The following RORB variants were observed in gnomAD, a reference collection of about 807,000 sequenced individuals.
RORB encodes the protein RAR related orphan receptor B.
A neutral mutation model predicts 59.1 loss-of-function variants in RORB; 6 were observed. The ratio of observed to expected loss-of-function variants is 0.10; its 90% CI spans 0.06 to 0.20. RORB has a LOEUF of 0.20. Among genes scored for constraint, RORB ranks in the 10% least tolerant of loss-of-function variants. The pLI is 1.00. For synonymous variants in RORB, 215 were observed against 204.5 expected (o/e 1.05, Z -0.44); for missense variants, 320 against 560.5 (o/e 0.57, Z 4.33).
chr9:74,624,267 C>T (rs1287324524), intron 1 of RORB, among the ~76,000 whole-genome samples: 1 of 152,116 alleles, frequency 6.6e-6, no homozygotes, highest in Non-Finnish European at 1.5e-5. Context: ...ACACAGCCCA[C>T]CACCCAGAGT....
intron 1 of RORB, among the ~76,000 whole-genome samples, chr9:74,551,839 AC>A (rs1221398937): frequency 6.6e-6 from 1 of 152,190 alleles, no homozygotes; most frequent in Non-Finnish European, 1.5e-5. Flanking sequence ...ATTATGGAGT[AC>A]TTTTTCACCC....
Position 74,667,911 on chromosome 9 carries a change from T to G in RORB, c.1111+10T>G, listed in dbSNP as rs777475380. The G allele has an allele frequency of 6.6e-7, 1 of 1,512,680 alleles. No individual in the cohort carries two copies. 93.7% of individuals were successfully genotyped at this position (1,512,680 alleles called of 1,614,324 possible). On this transcript the variant is annotated intron_variant, in intron 8 of 9. Coordinates refer to ENST00000376896, the MANE Select transcript of RORB (RefSeq NM_006914.4). ...GTTCTGATATCTCCAGGTAGGGCAG[T>G]CTCAGTTCTCTTACCTTTTTAAAAA...
At position 74,667,879 on chromosome 9, in the gene RORB, A is replaced by T; in HGVS notation, c.1089A>T (p.Ser363=). 6.2e-7 allele frequency: 1 copy of T among 1,611,128 alleles called. No individual in the cohort carries two copies. Among genetic ancestry groups the T allele is most frequent in the Non-Finnish European group, 8.5e-7 (1 of 1,177,310 alleles). The change falls in exon 8 of 10, where the codon TCA becomes TCT. Residue 363 remains serine, a synonymous_variant. Coordinates refer to ENST00000376896, the MANE Select transcript of RORB (RefSeq NM_006914.4). ...CCGAGGAGGAGATCGCTTTGTTCTC[A>T]TCTGCTGTTCTGATATCTCCAGGTA... The part of the protein sequence containing the change: ...QLTEEEIALF[S]SAVLISPDRA...
At chr9:74,518,987 C>T (rs1184927887) in intron 1 of RORB, among the ~76,000 whole-genome samples, 1 of 151,796 alleles carries the variant, frequency 6.6e-6, no homozygotes, top group Non-Finnish European at 1.5e-5. Flanking sequence ...AGGTAAGGGT[C>T]GTGTATATCA....
chr9:74,511,720 A>G (rs572905483), intron 1 of RORB, among the ~76,000 whole-genome samples: 30 of 149,880 alleles, frequency 2.0e-4, no homozygotes, highest in African/African-American at 7.1e-4. Context: ...CATTTGCCTG[A>G]GGTCATCTAG....
chr9:74,520,099 G>A (rs1180513542), intron 1 of RORB, among the ~76,000 whole-genome samples: 1 of 151,658 alleles, frequency 6.6e-6, no homozygotes, highest in Non-Finnish European at 1.5e-5. Context: ...GGATTTCGCA[G>A]ACGATGAAGA....
Position 74,642,537 on chromosome 9 carries a change from G to T in RORB, c.359G>T (p.Arg120Met). ...AGTGGGGAGGCAGAAGCCCTTGCCA[G>T]GGTGTACAGCAGCAGCATTAGCAAC... ...QQSGEAEALA[R>M]VYSSSISNGL... The change falls in exon 4 of 10, where the codon AGG (arginine) becomes ATG (methionine). Residue 120 changes from arginine to methionine, a missense_variant. Physicochemically the swap from Arg to Met is moderately conservative, Grantham distance 91. Transcript: ENST00000376896. The T allele has an allele frequency of 6.2e-7, 1 of 1,614,236 alleles. No individual in the cohort carries two copies. The highest frequency in any genetic ancestry group is 8.5e-7 in the Non-Finnish European group (1 of 1,180,046).
chr9:74,533,575 A>G (rs1826278183), intron 1 of RORB, among the ~76,000 whole-genome samples: 1 of 151,832 alleles, frequency 6.6e-6, no homozygotes, highest in Non-Finnish European at 1.5e-5. Flanking sequence ...TTAAAAATCT[A>G]CTCCCCAACA....
intron 1 of RORB, among the ~76,000 whole-genome samples, chr9:74,550,830 A>G (rs1429135330): frequency 1.3e-5 from 2 of 152,230 alleles, no homozygotes; most frequent in Non-Finnish European, 2.9e-5. Context: ...CTAGCTGTTG[A>G]GCAGTTGAAA....
chr9:74,566,933 T>C (rs1822478224), intron 1 of RORB, among the ~76,000 whole-genome samples: 1 of 152,242 alleles, frequency 6.6e-6, no homozygotes, highest in South Asian at 2.1e-4. Context: ...TTTCTTTCTA[T>C]GTAGGAACCT....
At chr9:74,622,058 G>A (rs949196440) in intron 1 of RORB, among the ~76,000 whole-genome samples, 27 of 150,812 alleles carry the variant, frequency 1.8e-4, no homozygotes, top group Non-Finnish European at 3.0e-5. Context: ...TTCATTTTCT[G>A]AAACGATATA....
chr9:74,665,448 G>T (rs771429891), intron 6 of RORB, 40 bp from the exon 7 acceptor site: 4 of 1,262,922 alleles, frequency 3.2e-6, no homozygotes, highest in Non-Finnish European at 4.5e-6. Context: ...ATATATATGT[G>T]TATTTTTATT....
intron 9 of RORB, among the ~76,000 whole-genome samples, chr9:74,672,589 G>A (rs1824366725): frequency 6.6e-6 from 1 of 152,056 alleles, no homozygotes; most frequent in Non-Finnish European, 1.5e-5. Context: ...GCTTAATTAA[G>A]AATGATCTTT....
chr9:74,610,537 T>C (rs1017644958), intron 1 of RORB, among the ~76,000 whole-genome samples: 1 of 152,122 alleles, frequency 6.6e-6, no homozygotes, highest in Non-Finnish European at 1.5e-5. Flanking sequence ...CTATGCAAAA[T>C]TAAATTAAAT....
chr9:74,595,823 T>G (rs1822962343), intron 1 of RORB, among the ~76,000 whole-genome samples: 1 of 152,172 alleles, frequency 6.6e-6, no homozygotes, highest in South Asian at 2.1e-4. Context: ...TGGAGTTTTT[T>G]GGGGTCACGT....
intron 1 of RORB, among the ~76,000 whole-genome samples, chr9:74,499,312 C>T (rs1236953985): frequency 1.3e-5 from 2 of 152,276 alleles, no homozygotes; most frequent in East Asian, 3.9e-4. Context: ...GATCCTCTCC[C>T]ACCCAGTCCC....
At chr9:74,582,304 T>A (rs980436834) in intron 1 of RORB, among the ~76,000 whole-genome samples, 1 of 152,186 alleles carries the variant, frequency 6.6e-6, no homozygotes, top group African/African-American at 2.4e-5. Flanking sequence ...CCTTTCTCGA[T>A]TATGAATTTC....
intron 1 of RORB, among the ~76,000 whole-genome samples, chr9:74,605,562 G>A (rs1430692735): frequency 1.3e-5 from 2 of 152,292 alleles, no homozygotes; most frequent in African/African-American, 2.4e-5. Context: ...TCTGTAATAC[G>A]TAGTCTGTCT....
rs759943104 is a variant in RORB at position 74,591,777 on chromosome 9, T to A, written c.8-38505T>A. ...ATCACAGGGATTCCAGTAGATAGAT[T>A]AAATATGTTTTATTTATTAATGTAC... On this transcript the variant is annotated intron_variant, in intron 1 of 9. Coordinates refer to ENST00000376896, the MANE Select transcript of RORB (RefSeq NM_006914.4). 2.8e-4 allele frequency among the ~76,000 whole-genome samples: 42 copies of A among 152,212 alleles called. 1 individual carries two copies. Among genetic ancestry groups the A allele is most frequent in the Admixed American group, 1.3e-4 (2 of 15,282 alleles).
Sources: gnomAD v4.1 joint callset for allele counts (sites outside exome capture counted in the v4.1 genomes callset) on GRCh38, gnomAD v4.1.1 for gene constraint, MANE v1.5 for transcripts, NCBI Gene and HGNC (gene_info 2026-07-23, HGNC 2026-07-21) for gene names.